Variants in NBAS observed in about 807,000 individuals in gnomAD.
The protein encoded by NBAS is NAG/BC035112 fusion.
A neutral mutation model predicts 302.5 loss-of-function variants in NBAS; 219 were observed. That is an observed-to-expected ratio of 0.72 (90% CI 0.65 to 0.81). The LOEUF is 0.81. Among genes scored for constraint, NBAS ranks in the 30% least tolerant of loss-of-function variants. The probability of loss-of-function intolerance (pLI) is 0.00; values close to 1 mark genes in which losing one functional copy is unlikely to be tolerated. For missense variants in NBAS, 2,932 were observed against 2,841.6 expected, an observed-to-expected ratio of 1.03 and a Z score of -0.72; for synonymous variants, 1,118 against 1,021.6, an observed-to-expected ratio of 1.09 and a Z score of -1.80.
chr2:15,380,093 A>C (rs981994714), intron 29 of NBAS, among the ~76,000 whole-genome samples: 5 of 152,218 alleles, frequency 3.3e-5, no homozygotes, highest in African/African-American at 1.2e-4. Flanking sequence ...AAAATTAAGC[A>C]TAATATTTTA....
the NBAS span, among the ~76,000 whole-genome samples, chr2:14,787,778 G>T: frequency 2.4e-4 from 37 of 152,216 alleles, no homozygotes; most frequent in African/African-American, 8.7e-4. Flanking sequence ...TTCAACTTTG[G>T]TGAATCTGAC....
At chr2:14,838,836 G>A in the NBAS span, among the ~76,000 whole-genome samples, 1 of 151,374 alleles carries the variant, frequency 6.6e-6, no homozygotes, top group Non-Finnish European at 1.5e-5. Context: ...GGTCAAATAT[G>A]ATTTTGAAAA....
At chr2:15,417,816 A>T in intron 23 of NBAS, 104 bp from the exon 24 acceptor site, 1 of 1,114,538 alleles carries the variant, frequency 9.0e-7, no homozygotes, top group Non-Finnish European at 1.3e-6. Context: ...ATCATTTTTT[A>T]TAAAATTGCA....
At chr2:15,100,204 A>G in the NBAS span, among the ~76,000 whole-genome samples, 8 of 152,306 alleles carry the variant, frequency 5.3e-5, no homozygotes, top group East Asian at 1.5e-3. Context: ...CTTATAAAGA[A>G]CTACTTTCAT....
chr2:15,394,386 C>T, intron 27 of NBAS, 37 bp from the exon 28 acceptor site: 6 of 1,607,280 alleles, frequency 3.7e-6, no homozygotes, highest in Non-Finnish European at 5.1e-6. Flanking sequence ...TGTCTTGCTA[C>T]CAAACAAAAA....
chr2:14,906,561 C>T, the NBAS span, among the ~76,000 whole-genome samples: 3 of 152,122 alleles, frequency 2.0e-5, no homozygotes, highest in African/African-American at 4.8e-5. Flanking sequence ...CTACCCAGGC[C>T]GCCTTGCTCT....
rs772127198 is a variant in NBAS, at chr2:15,474,098, G to C, written c.1568C>G (p.Ser523Cys). The C allele has an allele frequency of 3.7e-6, 6 of 1,614,140 alleles. No individual in the cohort carries two copies. Among genetic ancestry groups the C allele is most frequent in the Non-Finnish European group, 4.2e-6 (5 of 1,180,030 alleles). ...TKNYRLVSLRSTTPEELYQRK... is the reference protein window; with the variant it reads ...TKNYRLVSLRCTTPEELYQRK... Reference sequence around the variant, plus strand: ...CTGATAAAGTTCCTCTGGTGTCGTGGAGCGCAAACTCACAAGGCGGTAGTT... The same window carrying C: ...CTGATAAAGTTCCTCTGGTGTCGTGCAGCGCAAACTCACAAGGCGGTAGTT... The change falls in exon 15 of 52, where the codon TCC (serine) becomes TGC (cysteine). Residue 523 changes from serine (S) to cysteine (C), a missense_variant. Physicochemically the swap from Ser to Cys is moderately radical, Grantham distance 112. Transcript: ENST00000281513.
chr2:15,286,077 C>T (rs75315594), intron 42 of NBAS, among the ~76,000 whole-genome samples: 4,379 of 152,214 alleles, frequency 0.029, 217 homozygotes, highest in African/African-American at 0.099. Context: ...GGATGCTTCG[C>T]GACACCTCCC....
At chr2:15,050,753 G>A in the NBAS span, among the ~76,000 whole-genome samples, 1 of 152,078 alleles carries the variant, frequency 6.6e-6, no homozygotes, top group Non-Finnish European at 1.5e-5. Context: ...TGGAACCCGG[G>A]TTCCATCTGG....
chr2:14,894,206 C>A, the NBAS span, among the ~76,000 whole-genome samples: 1 of 152,050 alleles, frequency 6.6e-6, no homozygotes, highest in African/African-American at 2.4e-5. Context: ...TGTGCTCCAT[C>A]AAGATGAGAG....
chr2:15,116,409 CAGAG>C, the NBAS span, among the ~76,000 whole-genome samples: 32,886 of 149,910 alleles, frequency 0.22, 3,638 homozygotes, highest in Non-Finnish European at 0.24. Context: ...CCCCACATGG[CAGAG>C]AGAGAGAGAG....
At chr2:15,552,837 G>A (rs1664446830) in intron 5 of NBAS, among the ~76,000 whole-genome samples, 1 of 149,556 alleles carries the variant, frequency 6.7e-6, no homozygotes, top group African/African-American at 2.5e-5. Flanking sequence ...TCTGTCGCCA[G>A]GCTGGAGTGC....
chr2:14,821,075 C>T, the NBAS span, among the ~76,000 whole-genome samples: 6 of 152,084 alleles, frequency 3.9e-5, no homozygotes, highest in Non-Finnish European at 8.8e-5. Flanking sequence ...TACAGGCGCC[C>T]GCCACCACGC....
intron 44 of NBAS, among the ~76,000 whole-genome samples, chr2:15,269,464 G>A (rs761473924): frequency 7.9e-5 from 12 of 152,226 alleles, no homozygotes; most frequent in African/African-American, 1.2e-4. Context: ...TGAACAAAGC[G>A]AGACTGTGAC....
chr2:14,799,102 T>G, the NBAS span, among the ~76,000 whole-genome samples: 1 of 152,128 alleles, frequency 6.6e-6, no homozygotes, highest in African/African-American at 2.4e-5. Flanking sequence ...TTCTGAATAC[T>G]ATTTATTCTT....
chr2:15,554,968 G>T (rs925506728), intron 3 of NBAS, among the ~76,000 whole-genome samples: 3 of 151,832 alleles, frequency 2.0e-5, no homozygotes, highest in African/African-American at 7.3e-5. Flanking sequence ...AGCAGACACA[G>T]CAAATTAGAG....
the NBAS span, among the ~76,000 whole-genome samples, chr2:14,937,535 C>A: frequency 6.6e-6 from 1 of 152,112 alleles, no homozygotes; most frequent in Non-Finnish European, 1.5e-5. Context: ...AAGCAGTCCA[C>A]CCTGAGTCTT....
the NBAS span, among the ~76,000 whole-genome samples, chr2:15,100,290 C>CT: frequency 6.6e-6 from 1 of 152,262 alleles, no homozygotes; most frequent in South Asian, 2.1e-4. Flanking sequence ...TCTACAGGAT[C>CT]ACTGTAGAAC....
rs951605519 is a variant in NBAS at position 15,469,343 on chromosome 2, C to T, written c.1726-810G>A. Among the ~76,000 whole-genome samples, 3 of 152,122 alleles carry T rather than the reference C, an allele frequency of 2.0e-5. 1 individual carries two copies. Among genetic ancestry groups the T allele is most frequent in the African/African-American group, 7.2e-5 (3 of 41,432 alleles). On this transcript the variant is annotated intron_variant, in intron 16 of 51. Transcript: ENST00000281513. ...TGCTTTCTCTTGTGGGCACTTAGTG[C>T]TATAAATTTCCCTCTACACACTGCT...
Sources: allele counts gnomAD v4.1 joint callset (sites outside exome capture counted in the v4.1 genomes callset), GRCh38; gene constraint gnomAD v4.1.1; transcripts MANE v1.5; gene names NCBI Gene and HGNC (gene_info 2026-07-23, HGNC 2026-07-21).